KCNQ5: variants seen among roughly 807,000 people sequenced by gnomAD.
KCNQ5 encodes the protein potassium voltage-gated channel subfamily KQT member 5.
KCNQ5 carries 30 observed loss-of-function variants against 98.2 expected under a neutral mutation model. The observed-to-expected ratio is 0.31, with a 90% confidence interval of 0.23 to 0.41. The LOEUF is 0.41. Among genes scored for constraint, KCNQ5 ranks in the 10% least tolerant of loss-of-function variants. The probability of loss-of-function intolerance (pLI) is 1.00; values close to 1 mark genes in which losing one functional copy is unlikely to be tolerated. For synonymous variants in KCNQ5, 458 were observed against 449.4 expected (o/e 1.02, Z -0.24); for missense variants, 835 against 1,182.5 (o/e 0.71, Z 4.31).
chr6:73,070,422 A>G (rs1773250629), intron 3 of KCNQ5, among the ~76,000 whole-genome samples: 1 of 152,170 alleles, frequency 6.6e-6, no homozygotes. Flanking sequence ...TTCCGTTAAA[A>G]CTAATGATTG....
chr6:72,686,678 C>T (rs1346611216), intron 1 of KCNQ5, among the ~76,000 whole-genome samples: 12 of 144,118 alleles, frequency 8.3e-5, no homozygotes, highest in African/African-American at 3.1e-4. Context: ...TTATAAATTA[C>T]TTCACTGCCC....
At chr6:72,791,803 G>A (rs766403628) in intron 1 of KCNQ5, among the ~76,000 whole-genome samples, 7 of 152,162 alleles carry the variant, frequency 4.6e-5, no homozygotes, top group Non-Finnish European at 7.3e-5. Flanking sequence ...CGTACCAAGA[G>A]AGCCCGCAGG....
intron 1 of KCNQ5, among the ~76,000 whole-genome samples, chr6:72,799,764 C>G (rs1423173619): frequency 6.6e-6 from 1 of 152,098 alleles, no homozygotes; most frequent in Non-Finnish European, 1.5e-5. Flanking sequence ...GAATTATAAC[C>G]AGCCTTCCTT....
In KCNQ5 at chr6:73,198,620, G is replaced by A. The variant is rs150568492; in HGVS notation, c.*3206G>A. 6 of 152,220 alleles carry A rather than the reference G, an allele frequency of 3.9e-5. No homozygotes were observed. Among genetic ancestry groups the A allele is most frequent in the East Asian group, 1.9e-4 (1 of 5,188 alleles). 9.4% of individuals were successfully genotyped at this position (152,220 alleles called of 1,614,324 possible). On this transcript the variant is annotated 3_prime_UTR_variant, in exon 14 of 14. Transcript: ENST00000370398. ...GTCTCCCTAGAAGCTGAGATTTTTC[G>A]CCTTAAATGACATGGTTGTGTTTTT...
intron 1 of KCNQ5, among the ~76,000 whole-genome samples, chr6:72,963,938 G>A (rs956433753): frequency 6.6e-6 from 1 of 152,152 alleles, no homozygotes; most frequent in African/African-American, 2.4e-5. Context: ...ACAGGTAAGA[G>A]CCAACTCACT....
intron 3 of KCNQ5, among the ~76,000 whole-genome samples, chr6:73,050,269 A>G (rs1260998465): frequency 2.0e-5 from 2 of 101,210 alleles, no homozygotes; most frequent in Admixed American, 9.4e-5. Context: ...GAAGGAAGGA[A>G]GGAAGGAAGG....
At chr6:73,170,116 G>A (rs2027545) in intron 11 of KCNQ5, among the ~76,000 whole-genome samples, 65,081 of 152,076 alleles carry the variant, frequency 0.43, 18,385 homozygotes, top group African/African-American at 0.79. Flanking sequence ...TTGGCTTGTC[G>A]TGTGTATTTG....
chr6:73,149,460 G>A (rs1777056113), intron 10 of KCNQ5, among the ~76,000 whole-genome samples: 1 of 152,124 alleles, frequency 6.6e-6, no homozygotes. Flanking sequence ...CCAGAACTCA[G>A]CAGAATGTTC....
At chr6:73,037,484 T>C (rs1185930990) in intron 2 of KCNQ5, among the ~76,000 whole-genome samples, 1 of 152,218 alleles carries the variant, frequency 6.6e-6, no homozygotes, top group Non-Finnish European at 1.5e-5. Flanking sequence ...CTAAAAGTTT[T>C]ATTATTTTAT....
intron 1 of KCNQ5, among the ~76,000 whole-genome samples, chr6:72,630,162 G>GT (rs1565042647): frequency 6.6e-6 from 1 of 151,992 alleles, no homozygotes; most frequent in Non-Finnish European, 1.5e-5. Context: ...TCCTCTAAAA[G>GT]TAAAAAACAC....
chr6:72,878,550 A>C (rs568409777), intron 1 of KCNQ5, among the ~76,000 whole-genome samples: 5 of 152,268 alleles, frequency 3.3e-5, no homozygotes, highest in South Asian at 4.1e-4. Context: ...TTACTCTTCA[A>C]GGAGTCCTGG....
At chr6:72,859,102 A>G (rs1288045966) in intron 1 of KCNQ5, among the ~76,000 whole-genome samples, 2 of 152,296 alleles carry the variant, frequency 1.3e-5, no homozygotes, top group Middle Eastern at 3.4e-3. Context: ...TAAAGGCTTT[A>G]TATACTCAAA....
chr6:72,732,298 T>G (rs537642331), intron 1 of KCNQ5, among the ~76,000 whole-genome samples: 17 of 151,138 alleles, frequency 1.1e-4, no homozygotes, highest in African/African-American at 3.7e-4. Context: ...GAAGCCTGAG[T>G]AGGGGAGTAG....
intron 1 of KCNQ5, among the ~76,000 whole-genome samples, chr6:72,733,961 AG>A (rs1770689224): frequency 6.6e-6 from 1 of 151,418 alleles, no homozygotes; most frequent in Admixed American, 6.6e-5. Context: ...TGATTTACAC[AG>A]GGTTGAAGTT....
chr6:73,074,800 T>C (rs1773456192), intron 3 of KCNQ5, among the ~76,000 whole-genome samples: 1 of 151,274 alleles, frequency 6.6e-6, no homozygotes, highest in Non-Finnish European at 1.5e-5. Flanking sequence ...GCCAAGCACA[T>C]AGTAAGTTTT....
chr6:72,635,106 A>T (rs1387748781), intron 1 of KCNQ5, among the ~76,000 whole-genome samples: 1 of 150,720 alleles, frequency 6.6e-6, no homozygotes, highest in Non-Finnish European at 1.5e-5. Flanking sequence ...AGCTCACTGC[A>T]GCCTCCATCA....
intron 1 of KCNQ5, among the ~76,000 whole-genome samples, chr6:72,743,048 G>A (rs1383174045): frequency 6.6e-6 from 1 of 152,136 alleles, no homozygotes; most frequent in East Asian, 1.9e-4. Context: ...TTGTCCATGT[G>A]AAAGGCTAGT....
intron 11 of KCNQ5, among the ~76,000 whole-genome samples, chr6:73,174,161 A>G (rs1233882047): frequency 1.3e-5 from 2 of 152,232 alleles, no homozygotes; most frequent in African/African-American, 2.4e-5. Context: ...AAAGTTTCTA[A>G]GCACTAATCT....
At chr6:72,828,503 C>G (rs1365757896) in intron 1 of KCNQ5, among the ~76,000 whole-genome samples, 1 of 151,784 alleles carries the variant, frequency 6.6e-6, no homozygotes. Flanking sequence ...AATGAGATTG[C>G]CTTCTTGATT....
Sources: allele counts gnomAD v4.1 joint callset (sites outside exome capture counted in the v4.1 genomes callset), GRCh38; gene constraint gnomAD v4.1.1; transcripts MANE v1.5; gene names NCBI Gene and HGNC (gene_info 2026-07-23, HGNC 2026-07-21).